GARRE1: variants seen among roughly 807,000 people sequenced by gnomAD.
GARRE1 encodes the protein granule associated Rac and RHOG effector 1, also known as granule associated Rac and RHOG effector protein 1.
A neutral mutation model predicts 103.2 loss-of-function variants in GARRE1; 49 were observed. That is an observed-to-expected ratio of 0.47 (90% CI 0.38 to 0.60). The LOEUF (loss-of-function observed/expected upper bound fraction) is 0.60, where lower values mean the gene tolerates loss of function less well. GARRE1 is among the 20% of genes least tolerant of loss of function. The pLI is 0.00. For synonymous variants in GARRE1, 505 were observed against 532.8 expected, an observed-to-expected ratio of 0.95 and a Z score of 0.72; for missense variants, 1,199 against 1,370.5, an observed-to-expected ratio of 0.87 and a Z score of 1.98.
At chr19:34,276,642 A>G (rs1436544949) in intron 1 of GARRE1, among the ~76,000 whole-genome samples, 2 of 152,316 alleles carry the variant, frequency 1.3e-5, no homozygotes, top group East Asian at 1.9e-4. Flanking sequence ...GGAGACCATG[A>G]TCTCTGCCTT....
At chr19:34,309,039 A>G (rs1400244045) in intron 2 of GARRE1, among the ~76,000 whole-genome samples, 1 of 152,004 alleles carries the variant, frequency 6.6e-6, no homozygotes, top group East Asian at 1.9e-4. Context: ...GAACCGCACA[A>G]CACATCTAAT....
chr19:34,282,090 A>T (rs2073857813), intron 1 of GARRE1, among the ~76,000 whole-genome samples: 1 of 151,412 alleles, frequency 6.6e-6, no homozygotes, highest in Non-Finnish European at 1.5e-5. Flanking sequence ...TGGCAATCAT[A>T]TTTCTTATTT....
chr19:34,286,704 T>C (rs2073889033), intron 1 of GARRE1, among the ~76,000 whole-genome samples: 2 of 151,548 alleles, frequency 1.3e-5, no homozygotes, highest in African/African-American at 4.9e-5. Context: ...GGTTTCATCG[T>C]GTTAGCCAGG....
At chr19:34,276,375 A>T (rs890837344) in intron 1 of GARRE1, among the ~76,000 whole-genome samples, 2 of 152,184 alleles carry the variant, frequency 1.3e-5, no homozygotes, top group African/African-American at 4.8e-5. Flanking sequence ...TTGGCAAGGT[A>T]AATTAAGTTG....
rs111821298 is a variant in GARRE1 at position 34,325,869 on chromosome 19, A to G, written c.706-1552A>G. ...TTCACGGACCCGTCTGTAGGTCTTG[A>G]CACCCCCCACCCCACCCCACACACA... is the stretch of plus-strand genomic sequence containing the variant. On this transcript the variant is annotated intron_variant, in intron 3 of 13. Transcript: ENST00000299505. Among the ~76,000 whole-genome samples the G allele has an allele frequency of 4.3e-3, 660 of 151,736 alleles. 7 individuals carry two copies. The highest frequency in any genetic ancestry group is 0.015 in the African/African-American group (635 of 41,324).
chr19:34,353,734 A>G lies in GARRE1; in HGVS notation c.*779A>G, dbSNP rs999633089. 5 of 152,226 alleles carry G rather than the reference A, an allele frequency of 3.3e-5. No homozygotes were observed. Among genetic ancestry groups the G allele is most frequent in the African/African-American group, 1.2e-4 (5 of 41,454 alleles). 9.4% of individuals were successfully genotyped at this position (152,226 alleles called of 1,614,324 possible). ...GCGGTGGACCAGCCAGCTGCTGTCC[A>G]TGTGCAGAGCAAGGCTGCACCTGCT... On this transcript the variant is annotated 3_prime_UTR_variant, in exon 14 of 14. Coordinates refer to ENST00000299505, the MANE Select transcript of GARRE1 (RefSeq NM_014686.5).
In GARRE1 at chr19:34,268,092, A is replaced by T. The variant is rs1455757669; in HGVS notation, c.-796+13478A>T. ...TGGTGCTTTGTGTTTTTTTTTTTTT[A>T]AATCTACTTAGAAATAAATTATTTT... is the stretch of plus-strand genomic sequence containing the variant. On this transcript the variant is annotated intron_variant, in intron 1 of 13. Coordinates refer to ENST00000299505, the MANE Select transcript of GARRE1 (RefSeq NM_014686.5). Among the ~76,000 whole-genome samples the T allele has an allele frequency of 5.0e-3, 737 of 148,726 alleles. 3 individuals are homozygous for T. Among genetic ancestry groups the T allele is most frequent in the Non-Finnish European group, 8.8e-3 (592 of 67,178 alleles).
chr19:34,347,887 C>T lies in GARRE1; in HGVS notation c.2532C>T (p.Asp844=). The stretch of plus-strand genomic sequence containing the variant: ...TTTGTCCCAATGCAGTGGGCTCAGA[C>T]CCAGAGTTTGCACGCTATGTGGCAG... ...ILPFDPAVGS[D]PEFARYVAGV... Residue 844 remains aspartate, a synonymous_variant, in exon 11 of 14, where the codon GAC becomes GAT. Coordinates refer to ENST00000299505, the MANE Select transcript of GARRE1 (RefSeq NM_014686.5). 6.4e-7 allele frequency: 1 copy of T among 1,561,876 alleles called. No individual in the cohort carries two copies. Among genetic ancestry groups the T allele is most frequent in the Non-Finnish European group, 8.7e-7 (1 of 1,149,962 alleles).
intron 12 of GARRE1, among the ~76,000 whole-genome samples, chr19:34,351,100 G>A (rs892187654): frequency 1.9e-4 from 29 of 151,544 alleles, no homozygotes; most frequent in Admixed American, 1.5e-3. Flanking sequence ...TCGGGACGCT[G>A]AGGCACAAGA....
intron 1 of GARRE1, among the ~76,000 whole-genome samples, chr19:34,269,204 T>G (rs1431845952): frequency 6.6e-6 from 1 of 152,196 alleles, no homozygotes; most frequent in African/African-American, 2.4e-5. Flanking sequence ...TGGTGGTAAA[T>G]TGTTACAGAG....
rs1025955103 is a variant in GARRE1 at position 34,355,099 on chromosome 19, A to G, written c.*2144A>G. The G allele has an allele frequency of 6.6e-6, 1 of 152,632 alleles. No individual in the cohort carries two copies. Among genetic ancestry groups the G allele is most frequent in the African/African-American group, 2.4e-5 (1 of 41,448 alleles). The allele number at this position is 152,632 out of a possible 1,614,324, so 9.5% of individuals were successfully genotyped here. On this transcript the variant is annotated 3_prime_UTR_variant, in exon 14 of 14. Coordinates refer to ENST00000299505, the MANE Select transcript of GARRE1 (RefSeq NM_014686.5). ...AGTACCCTGTATTTCGAGTTCCATT[A>G]TACTGAAGTACTCATGTTTTAATAG...
At chr19:34,301,513 C>CAAAAAAAA (rs57777660) in intron 2 of GARRE1, among the ~76,000 whole-genome samples, 3 of 85,386 alleles carry the variant, frequency 3.5e-5, no homozygotes, top group Admixed American at 2.8e-4. Context: ...GACCATGTCT[C>CAAAAAAAA]AAAAAAAAAA....
chr19:34,353,184 G>A lies in GARRE1; in HGVS notation c.*229G>A, dbSNP rs1225046308. ...TGGAGAGCCAGCTGGAGACACAGGC[G>A]TCTGGCCTTCAGGGGCTTGCTAGGG... On this transcript the variant is annotated 3_prime_UTR_variant, in exon 14 of 14. Transcript: ENST00000299505. 8 of 512,244 alleles carry A rather than the reference G, an allele frequency of 1.6e-5. No homozygotes were observed. The highest frequency in any genetic ancestry group is 3.4e-5 in the Admixed American group (1 of 29,690). 31.7% of individuals were successfully genotyped at this position (512,244 alleles called of 1,614,324 possible). A position where few individuals can be genotyped will look rare whatever the true frequency, so the allele number is the denominator to read the frequency against.
intron 1 of GARRE1, among the ~76,000 whole-genome samples, chr19:34,294,118 T>G (rs1240678493): frequency 6.6e-6 from 1 of 152,004 alleles, no homozygotes; most frequent in Non-Finnish European, 1.5e-5. Context: ...GACTGTGCCT[T>G]ACATGTATAG....
intron 1 of GARRE1, among the ~76,000 whole-genome samples, chr19:34,291,581 A>G (rs2073918010): frequency 6.6e-6 from 1 of 152,192 alleles, no homozygotes; most frequent in African/African-American, 2.4e-5. Flanking sequence ...CAAGAGAGCA[A>G]GAGATGGTTG....
chr19:34,316,509 G>A (rs903257612), intron 2 of GARRE1, among the ~76,000 whole-genome samples: 1 of 152,204 alleles, frequency 6.6e-6, no homozygotes, highest in African/African-American at 2.4e-5. Flanking sequence ...TTTCAGGAGA[G>A]GAGCTGAGCT....
chr19:34,259,792 A>C (rs1160134455), intron 1 of GARRE1, among the ~76,000 whole-genome samples: 1 of 152,172 alleles, frequency 6.6e-6, no homozygotes, highest in Non-Finnish European at 1.5e-5. Flanking sequence ...CATAATCCCC[A>C]CATGTGGTGG....
chr19:34,315,212 T>A (rs1418148363), intron 2 of GARRE1, among the ~76,000 whole-genome samples: 1 of 152,208 alleles, frequency 6.6e-6, no homozygotes, highest in Non-Finnish European at 1.5e-5. Flanking sequence ...AACTTAGTGA[T>A]AAATTATTTG....
chr19:34,292,291 G>A (rs1223623677), intron 1 of GARRE1, among the ~76,000 whole-genome samples: 3 of 152,182 alleles, frequency 2.0e-5, no homozygotes, highest in Non-Finnish European at 4.4e-5. Context: ...CCATATTGTA[G>A]CATTTATCAG....
Sources: gnomAD v4.1 joint callset for allele counts (sites outside exome capture counted in the v4.1 genomes callset) on GRCh38, gnomAD v4.1.1 for gene constraint, MANE v1.5 for transcripts, NCBI Gene and HGNC (gene_info 2026-07-23, HGNC 2026-07-21) for gene names.